The following MTFMT variants were observed in gnomAD, a reference collection of about 807,000 sequenced individuals.
The protein encoded by MTFMT is mitochondrial methionyl-tRNA formyltransferase, also known as methionyl-tRNA formyltransferase, mitochondrial.
In MTFMT, 47 loss-of-function variants were observed where a neutral mutation model predicts 51.8. The ratio of observed to expected loss-of-function variants is 0.91; its 90% CI spans 0.72 to 1.16. The LOEUF (loss-of-function observed/expected upper bound fraction) is 1.16, where lower values mean the gene tolerates loss of function less well. MTFMT is among the 50% of genes most tolerant of loss of function. The pLI, the probability that MTFMT is intolerant of heterozygous loss-of-function variation, is 0.00. For synonymous variants in MTFMT, 196 were observed against 176.7 expected (o/e 1.11, Z -0.87); for missense variants, 512 against 482.3 (o/e 1.06, Z -0.58).
chr15:65,015,673 C>T (rs568090445), intron 6 of MTFMT, among the ~76,000 whole-genome samples: 1 of 152,040 alleles, frequency 6.6e-6, no homozygotes, highest in Admixed American at 6.6e-5. Flanking sequence ...CTCGTCTCTA[C>T]AAAAAAATAC....
intron 6 of MTFMT, among the ~76,000 whole-genome samples, chr15:65,015,010 T>G (rs72746352): frequency 0.027 from 4,145 of 151,694 alleles, 107 homozygotes; most frequent in South Asian, 0.13. Context: ...AGTACACTGC[T>G]TGACACATAA....
At chr15:65,019,384 A>C (rs1044672758) in intron 5 of MTFMT, among the ~76,000 whole-genome samples, 6 of 152,144 alleles carry the variant, frequency 3.9e-5, no homozygotes, top group Non-Finnish European at 8.8e-5. Flanking sequence ...AAAAATAAAA[A>C]GTAATCCCTA....
At chr15:65,024,641 T>C (rs941853228) in intron 2 of MTFMT, among the ~76,000 whole-genome samples, 15 of 151,984 alleles carry the variant, frequency 9.9e-5, no homozygotes, top group African/African-American at 3.6e-4. Flanking sequence ...GCGCACTCCA[T>C]GTGCAGACAC....
At chr15:65,020,844 T>G (rs1201421484) in intron 4 of MTFMT, among the ~76,000 whole-genome samples, 1 of 152,198 alleles carries the variant, frequency 6.6e-6, no homozygotes, top group Non-Finnish European at 1.5e-5. Flanking sequence ...ATACAGTATC[T>G]AGAACAGTTG....
chr15:65,003,495 T>C lies in MTFMT; in HGVS notation c.976-239A>G, dbSNP rs72744623. 9.9e-3 allele frequency among the ~76,000 whole-genome samples: 1,506 copies of C among 152,242 alleles called. 15 individuals carry two copies. Among genetic ancestry groups the C allele is most frequent in the Non-Finnish European group, 0.013 (905 of 68,000 alleles). ...TTAAAAGCTTATTACCAAGGAGCGA[T>C]AACAAATGTATAGATCTGTATAAAT... On this transcript the variant is annotated intron_variant, in intron 8 of 8. Transcript: ENST00000220058.
intron 6 of MTFMT, among the ~76,000 whole-genome samples, chr15:65,008,267 G>C (rs945428233): frequency 6.6e-6 from 1 of 151,996 alleles, no homozygotes; most frequent in Non-Finnish European, 1.5e-5. Context: ...ACCAATGGTT[G>C]GCCAGTTATC....
intron 6 of MTFMT, among the ~76,000 whole-genome samples, chr15:65,008,676 A>G (rs2086238565): frequency 6.6e-6 from 1 of 152,270 alleles, no homozygotes; most frequent in African/African-American, 2.4e-5. Context: ...ATTAAATCAA[A>G]TAAGTAAATG....
intron 1 of MTFMT, among the ~76,000 whole-genome samples, chr15:65,028,381 C>T (rs1220665983): frequency 2.0e-5 from 3 of 152,206 alleles, no homozygotes; most frequent in Non-Finnish European, 4.4e-5. Context: ...GGCCACTGCA[C>T]TCCAGCCTGG....
chr15:65,016,645 A>G (rs2086324757), intron 5 of MTFMT, 118 bp from the exon 6 acceptor site: 1 of 486,754 alleles, frequency 2.1e-6, no homozygotes, highest in Non-Finnish European at 3.6e-6. Flanking sequence ...ACTTTTCTTT[A>G]TGTTCAAAAT....
intron 3 of MTFMT, 30 bp from the exon 4 acceptor site, chr15:65,021,646 A>G (rs2086375084): frequency 1.4e-6 from 2 of 1,470,222 alleles, no homozygotes; most frequent in South Asian, 1.2e-5. Context: ...AAATAATGAC[A>G]ATGATTACCA....
chr15:65,015,228 C>T (rs1299207134), intron 6 of MTFMT, among the ~76,000 whole-genome samples: 4 of 152,048 alleles, frequency 2.6e-5, no homozygotes, highest in African/African-American at 9.7e-5. Flanking sequence ...AGATGGAACC[C>T]AGCACTGTCT....
intron 1 of MTFMT, 190 bp downstream of exon 1, chr15:65,029,215 C>G (rs1332669001): frequency 2.1e-6 from 2 of 953,736 alleles, no homozygotes; most frequent in South Asian, 4.8e-5. Context: ...ACCGCAGGTA[C>G]TAGGCGCCCA....
intron 7 of MTFMT, among the ~76,000 whole-genome samples, chr15:65,005,773 T>A (rs2086215608): frequency 6.6e-6 from 1 of 152,126 alleles, no homozygotes; most frequent in Non-Finnish European, 1.5e-5. Flanking sequence ...CATGCCCAGC[T>A]AAATTTTTGT....
chr15:65,029,215 C>T (rs1332669001), intron 1 of MTFMT, 190 bp downstream of exon 1: 3 of 953,736 alleles, frequency 3.1e-6, no homozygotes, highest in Non-Finnish European at 3.7e-6. Flanking sequence ...ACCGCAGGTA[C>T]TAGGCGCCCA....
rs1188301354 is a variant in MTFMT at position 65,002,186 on chromosome 15, CAGG to C, written c.*873_*875del. The C allele has an allele frequency of 6.6e-6, 1 of 151,672 alleles. No individual in the cohort carries two copies. The highest frequency in any genetic ancestry group is 1.5e-5 in the Non-Finnish European group (1 of 67,938). The allele number at this position is 151,672 out of a possible 1,614,324, so 9.4% of individuals were successfully genotyped here. The stretch of plus-strand genomic sequence containing the variant: ...GGCCAAGGCGGGTGGATCACGAGGT[CAGG>C]AGATCAAGACCATCCTGGCTAACAC... On this transcript the variant is annotated 3_prime_UTR_variant, in exon 9 of 9. Coordinates refer to ENST00000220058, the MANE Select transcript of MTFMT (RefSeq NM_139242.4).
intron 5 of MTFMT, among the ~76,000 whole-genome samples, chr15:65,018,468 G>T (rs1006413087): frequency 3.9e-5 from 6 of 152,086 alleles, no homozygotes; most frequent in Non-Finnish European, 5.9e-5. Flanking sequence ...TGATAAATTT[G>T]AATCATAAAC....
intron 6 of MTFMT, among the ~76,000 whole-genome samples, chr15:65,014,650 C>G (rs1566941550): frequency 1.5e-5 from 2 of 129,082 alleles, no homozygotes; most frequent in Non-Finnish European, 3.2e-5. Flanking sequence ...TCTTTTGAGA[C>G]AGAGTCTTGC....
At position 65,006,668 on chromosome 15, in the gene MTFMT, G is replaced by A. The variant is rs925590485; in HGVS notation, c.814-477C>T. ...TGGGATTACAGGCGTGAGCCACCGCGCCCGGCCGATTTATAAGATCTTAAA... is the reference window on the plus strand; with the variant it reads ...TGGGATTACAGGCGTGAGCCACCGCACCCGGCCGATTTATAAGATCTTAAA... On this transcript the variant is annotated intron_variant, in intron 6 of 8. Coordinates refer to ENST00000220058, the MANE Select transcript of MTFMT (RefSeq NM_139242.4). Among the ~76,000 whole-genome samples the A allele has an allele frequency of 1.8e-4, 28 of 152,102 alleles. No individual in the cohort carries two copies. In the East Asian group the frequency reaches 4.1e-3, roughly 22 times the overall value.
At position 65,003,012 on chromosome 15, in the gene MTFMT, T is replaced by C. The variant is rs755906213; in HGVS notation, c.*50A>G. The C allele has an allele frequency of 8.4e-7, 1 of 1,196,660 alleles. No homozygotes were observed. Among genetic ancestry groups the C allele is most frequent in the African/African-American group, 1.6e-5 (1 of 64,426 alleles). 74.1% of individuals were successfully genotyped at this position (1,196,660 alleles called of 1,614,324 possible). A position where few individuals can be genotyped will look rare whatever the true frequency, so the allele number is the denominator to read the frequency against. On this transcript the variant is annotated 3_prime_UTR_variant, in exon 9 of 9. Transcript: ENST00000220058. ...CCAGATAATTCCTTGTAAATAAGGT[T>C]TTTAATAAATTACAAATATGTAATA...
Sources: gnomAD v4.1 joint callset for allele counts (sites outside exome capture counted in the v4.1 genomes callset) on GRCh38, gnomAD v4.1.1 for gene constraint, MANE v1.5 for transcripts, NCBI Gene and HGNC (gene_info 2026-07-23, HGNC 2026-07-21) for gene names.